PLCB1: variants seen among roughly 807,000 people sequenced by gnomAD.
PLCB1 encodes the protein phospholipase C beta 1.
PLCB1 carries 46 observed loss-of-function variants against 161.8 expected under a neutral mutation model. The observed-to-expected ratio is 0.28, with a 90% CI of 0.22 to 0.36. The LOEUF (loss-of-function observed/expected upper bound fraction) is 0.36. PLCB1 is among the 10% of genes least tolerant of loss of function. The probability of loss-of-function intolerance (pLI) is 1.00; values close to 1 mark genes in which losing one functional copy is unlikely to be tolerated. For synonymous variants in PLCB1, 517 were observed against 503.7 expected (o/e 1.03, Z -0.35); for missense variants, 1,016 against 1,472.5 (o/e 0.69, Z 5.07).
At chr20:8,836,675 C>T (rs535348094) in intron 31 of PLCB1, among the ~76,000 whole-genome samples, 35 of 152,234 alleles carry the variant, frequency 2.3e-4, no homozygotes, top group African/African-American at 7.2e-4. Context: ...CCATTGGATA[C>T]TCCTAATCAA....
chr20:8,874,782 C>A (rs2146329033), intron 31 of PLCB1, among the ~76,000 whole-genome samples: 1 of 152,084 alleles, frequency 6.6e-6, no homozygotes, highest in African/African-American at 2.4e-5. Context: ...TAAATCAATG[C>A]TATTTTTCCT....
chr20:8,571,790 A>G (rs971624592), intron 3 of PLCB1, among the ~76,000 whole-genome samples: 3 of 152,208 alleles, frequency 2.0e-5, no homozygotes, highest in African/African-American at 7.2e-5. Context: ...TTGGAAAGAA[A>G]GGGAAGAACT....
At chr20:8,661,848 A>G (rs1225554136) in intron 9 of PLCB1, among the ~76,000 whole-genome samples, 1 of 145,452 alleles carries the variant, frequency 6.9e-6, no homozygotes, top group Non-Finnish European at 1.5e-5. Flanking sequence ...TTCAGTATTT[A>G]ATAAATCTTC....
chr20:8,365,695 T>C (rs942683129), intron 2 of PLCB1, among the ~76,000 whole-genome samples: 2 of 152,242 alleles, frequency 1.3e-5, no homozygotes, highest in African/African-American at 4.8e-5. Flanking sequence ...CAGTAAAATA[T>C]ATTAATGTAT....
chr20:8,644,739 C>T lies in PLCB1; in HGVS notation c.385-1363C>T, dbSNP rs1414558553. Among the ~76,000 whole-genome samples the T allele has an allele frequency of 4.0e-4, 57 of 140,944 alleles. No homozygotes were observed. In the East Asian group the frequency reaches 5.3e-3, roughly 13 times the overall value. 92.5% of individuals were successfully genotyped at this position (140,944 alleles called of 152,430 possible). On this transcript the variant is annotated intron_variant, in intron 4 of 31. Transcript: ENST00000338037. ...GCCCCCCGCCCTGCCAGCCGCCCCG[C>T]CCGGGAGGTGAGGGGCGCCTCTGCC...
chr20:8,860,621 A>G (rs1276907837), intron 31 of PLCB1, among the ~76,000 whole-genome samples: 1 of 152,204 alleles, frequency 6.6e-6, no homozygotes, highest in African/African-American at 2.4e-5. Context: ...TATTTCACTG[A>G]TTAATTAAAG....
intron 28 of PLCB1, 52 bp downstream of exon 28, chr20:8,788,577 AC>A: frequency 2.8e-5 from 44 of 1,596,840 alleles, no homozygotes; most frequent in Non-Finnish European, 3.3e-5. Context: ...TTTATTCAAC[AC>A]AAATTCCCAT....
At chr20:8,514,171 GCT>G (rs1177924943) in intron 3 of PLCB1, among the ~76,000 whole-genome samples, 1 of 152,010 alleles carries the variant, frequency 6.6e-6, no homozygotes, top group African/African-American at 2.4e-5. Context: ...GGGCATGGTG[GCT>G]CACGCCTGTA....
chr20:8,638,988 C>CTTTTCTTTTCTTTTCTTTTCTTTTCTTT (rs76550950), intron 4 of PLCB1, among the ~76,000 whole-genome samples: 12 of 151,440 alleles, frequency 7.9e-5, no homozygotes, highest in African/African-American at 2.7e-4. Flanking sequence ...TTCTTTTTTT[C>CTTTTCTTTTCTTTTCTTTTCTTTTCTTT]TCATGTAGCC....
chr20:8,597,039 C>A (rs1262232581), intron 3 of PLCB1, among the ~76,000 whole-genome samples: 1 of 127,518 alleles, frequency 7.8e-6, no homozygotes, highest in African/African-American at 2.9e-5. Context: ...ACAGTCATGT[C>A]GTCTGCGAAC....
At position 8,231,208 on chromosome 20, in the gene PLCB1, C is replaced by T. The variant is rs1044745803; in HGVS notation, c.177+80837C>T. ...CACATGCTTTTGCTGTTGATTTATT[C>T]TCTCCATTTAGATCAGCATTTCTCA... On this transcript the variant is annotated intron_variant, in intron 2 of 31. Transcript: ENST00000338037. 3.3e-5 allele frequency among the ~76,000 whole-genome samples: 5 copies of T among 152,140 alleles called. No individual in the cohort carries two copies. The South Asian group carries it at 1.0e-3, about 31-fold the overall frequency.
chr20:8,332,589 G>C (rs1271371728), intron 2 of PLCB1, among the ~76,000 whole-genome samples: 1 of 152,198 alleles, frequency 6.6e-6, no homozygotes, highest in African/African-American at 2.4e-5. Context: ...TGAGAAAATG[G>C]AGATGCGGAA....
intron 3 of PLCB1, among the ~76,000 whole-genome samples, chr20:8,584,980 C>T (rs775027921): frequency 3.3e-5 from 5 of 152,166 alleles, no homozygotes; most frequent in South Asian, 2.1e-4. Flanking sequence ...TGAGCCACCA[C>T]GCCTGGCCCT....
intron 3 of PLCB1, among the ~76,000 whole-genome samples, chr20:8,431,271 T>C (rs1980029696): frequency 6.6e-6 from 1 of 152,170 alleles, no homozygotes; most frequent in Admixed American, 6.5e-5. Flanking sequence ...AAGAGGCTAT[T>C]TTCACTGTTG....
intron 26 of PLCB1, 34 bp from the exon 27 acceptor site, chr20:8,774,505 T>C: frequency 1.3e-6 from 2 of 1,561,328 alleles, no homozygotes; most frequent in Non-Finnish European, 1.7e-6. Flanking sequence ...TTATGGCCTG[T>C]CTGTTTTGTG....
At chr20:8,704,839 G>A (rs1376050741) in intron 11 of PLCB1, among the ~76,000 whole-genome samples, 2 of 152,098 alleles carry the variant, frequency 1.3e-5, no homozygotes, top group African/African-American at 4.8e-5. Context: ...TGACCTAATG[G>A]CACAATATCA....
At chr20:8,648,116 C>T (rs536618441) in intron 6 of PLCB1, among the ~76,000 whole-genome samples, 163 bp downstream of exon 6, 25 of 152,182 alleles carry the variant, frequency 1.6e-4, no homozygotes, top group Middle Eastern at 3.2e-3. Flanking sequence ...CAGCTGCTTT[C>T]CTCATAGACG....
intron 31 of PLCB1, among the ~76,000 whole-genome samples, chr20:8,877,223 T>C (rs1987812028): frequency 6.6e-6 from 1 of 152,194 alleles, no homozygotes; most frequent in South Asian, 2.1e-4. Context: ...CCTGGTGATC[T>C]GTGGAGGACC....
At chr20:8,875,572 A>G (rs914251967) in intron 31 of PLCB1, among the ~76,000 whole-genome samples, 20 of 149,562 alleles carry the variant, frequency 1.3e-4, no homozygotes, top group African/African-American at 4.9e-4. Flanking sequence ...TATATTTTAT[A>G]TTAAGATCTT....
Sources: allele counts gnomAD v4.1 joint callset (sites outside exome capture counted in the v4.1 genomes callset), GRCh38; gene constraint gnomAD v4.1.1; transcripts MANE v1.5; gene names NCBI Gene and HGNC (gene_info 2026-07-23, HGNC 2026-07-21).